The following CSMD2 variants were observed in gnomAD, a reference collection of about 807,000 sequenced individuals.
CSMD2 encodes the protein CUB and sushi domain-containing protein 2.
CSMD2 carries 130 observed loss-of-function variants against 398.5 expected under a neutral mutation model. That is an observed-to-expected ratio of 0.33 (90% confidence interval 0.28 to 0.38). The LOEUF (loss-of-function observed/expected upper bound fraction) is 0.38, where lower values mean the gene tolerates loss of function less well. CSMD2 is among the 10% of genes least tolerant of loss of function. The pLI, the probability that CSMD2 is intolerant of heterozygous loss-of-function variation, is 1.00. For synonymous variants in CSMD2, 1,828 were observed against 1,908.5 expected, an observed-to-expected ratio of 0.96 and a Z score of 1.10; for missense variants, 3,829 against 4,764.9, an observed-to-expected ratio of 0.80 and a Z score of 5.78.
chr1:33,968,210 T>C (rs1645630535), intron 3 of CSMD2, among the ~76,000 whole-genome samples: 1 of 152,210 alleles, frequency 6.6e-6, no homozygotes, highest in Non-Finnish European at 1.5e-5. Flanking sequence ...TATCTTTGCA[T>C]CTCATGCTTC....
At chr1:33,614,194 A>G (rs1355366464) in intron 40 of CSMD2, among the ~76,000 whole-genome samples, 1 of 149,090 alleles carries the variant, frequency 6.7e-6, no homozygotes, top group Non-Finnish European at 1.5e-5. Context: ...TTTATTTTTA[A>G]TATCAAGTGA....
In CSMD2 at chr1:33,524,897, C is replaced by T; in HGVS notation, c.10381G>A (p.Glu3461Lys). 6.2e-7 allele frequency: 1 copy of T among 1,614,150 alleles called. No individual in the cohort carries two copies. Among genetic ancestry groups the T allele is most frequent in the Non-Finnish European group, 8.5e-7 (1 of 1,180,030 alleles). ...TGCTCCTTACCAGCCAAGTGCAGCT[C>T]CACGCCACTGTGGTCGATCATGGTG... ...NATMIDHSGV[E>K]LHLAGTYKKE... Residue 3461 changes from glutamate (E) to lysine (K), a missense_variant, in exon 66 of 71, where the codon GAG (glutamate) becomes AAG (lysine). This residue lies in a region of CSMD2 where 917 missense variants were observed against 1,199.5 expected (regional missense o/e 0.76). Transcript: ENST00000373381.
At chr1:34,109,794 C>T (rs937916120) in intron 1 of CSMD2, among the ~76,000 whole-genome samples, 1 of 152,002 alleles carries the variant, frequency 6.6e-6, no homozygotes, top group African/African-American at 2.4e-5. Context: ...AATCTCAGCA[C>T]TTTGGGAGGC....
chr1:33,561,380 A>G (rs1658527591), intron 53 of CSMD2, among the ~76,000 whole-genome samples: 1 of 152,176 alleles, frequency 6.6e-6, no homozygotes, highest in Admixed American at 6.5e-5. Flanking sequence ...CTTTGGGTCT[A>G]AGGATAATTC....
chr1:33,784,036 T>A (rs190060286), intron 12 of CSMD2, among the ~76,000 whole-genome samples: 2 of 150,562 alleles, frequency 1.3e-5, no homozygotes, highest in Admixed American at 1.3e-4. Flanking sequence ...TACAGGTGGG[T>A]GGGTTTGAGA....
In CSMD2 at chr1:33,519,717, C is replaced by G. The variant is rs761947014; in HGVS notation, c.10737-40G>C. The G allele has an allele frequency of 1.2e-6, 2 of 1,613,496 alleles. No homozygotes were observed. Among genetic ancestry groups the G allele is most frequent in the African/African-American group, 1.3e-5 (1 of 74,964 alleles). On this transcript the variant is annotated intron_variant, in intron 69 of 70. Transcript: ENST00000373381. This position sits in a 1 kb window ranked among gnomAD's most constrained non-coding sequence, Gnocchi z 5.6. ...GGAAGTGCCCACGGCATGAAAAGAGCGACACAGAGAGGCTTAGGGGTCTGG... is the reference window on the plus strand; with the variant it reads ...GGAAGTGCCCACGGCATGAAAAGAGGGACACAGAGAGGCTTAGGGGTCTGG...
intron 70 of CSMD2, 43 bp from the exon 71 acceptor site, chr1:33,516,613 A>T (rs1006352166): frequency 6.6e-6 from 1 of 152,350 alleles, no homozygotes; most frequent in Non-Finnish European, 1.5e-5. Context: ...AAGAAAAAAG[A>T]GGCAGTGGGA....
At chr1:33,839,180 C>A (rs892698588) in intron 6 of CSMD2, 1 of 152,174 alleles carries the variant, frequency 6.6e-6, no homozygotes, top group Non-Finnish European at 1.5e-5. Flanking sequence ...ACTTGAATAA[C>A]ATATGAGAAG....
chr1:33,577,273 C>T (rs1485261015), intron 49 of CSMD2, 23 bp downstream of exon 49: 1 of 1,578,902 alleles, frequency 6.3e-7, no homozygotes, highest in Non-Finnish European at 8.6e-7. Context: ...TACCTTGTGA[C>T]CCCCTTTCCA....
At chr1:33,531,769 T>G (rs915272687) in intron 64 of CSMD2, among the ~76,000 whole-genome samples, 1 of 152,092 alleles carries the variant, frequency 6.6e-6, no homozygotes, top group Non-Finnish European at 1.5e-5. Flanking sequence ...AATAGGCAAA[T>G]TTACAGAAGC....
intron 40 of CSMD2, among the ~76,000 whole-genome samples, chr1:33,611,761 G>C (rs1265803799): frequency 6.6e-6 from 1 of 152,156 alleles, no homozygotes; most frequent in Non-Finnish European, 1.5e-5. Context: ...TCTACTTTGG[G>C]ATCTTAGTGA....
At chr1:33,799,391 AG>A (rs1655329678) in intron 10 of CSMD2, among the ~76,000 whole-genome samples, 2 of 152,222 alleles carry the variant, frequency 1.3e-5, no homozygotes, top group Non-Finnish European at 2.9e-5. Flanking sequence ...CCAACCCACA[AG>A]GGTGGAAGAG....
At chr1:33,648,731 A>G (rs1176414531) in intron 28 of CSMD2, among the ~76,000 whole-genome samples, 1 of 152,176 alleles carries the variant, frequency 6.6e-6, no homozygotes, top group Non-Finnish European at 1.5e-5. Context: ...GCCCGACAAC[A>G]ATGCTCCTGA....
At position 33,533,002 on chromosome 1, in the gene CSMD2, A is replaced by G. The variant is rs1171976128; in HGVS notation, c.10171+48T>C. ...CTCTTTCAGCTCAAGTTCAGCCAGC[A>G]CTTTCAGCCTCCCGCCCTGGAGAGC... On this transcript the variant is annotated intron_variant, in intron 64 of 70. Coordinates refer to ENST00000373381, the MANE Select transcript of CSMD2 (RefSeq NM_001281956.2). This position sits in a 1 kb window ranked among gnomAD's most constrained non-coding sequence, Gnocchi z 4.2. 1.3e-6 allele frequency: 2 copies of G among 1,519,506 alleles called. No homozygotes were observed. The highest frequency in any genetic ancestry group is 2.5e-5 in the South Asian group (2 of 81,452). 94.1% of individuals were successfully genotyped at this position (1,519,506 alleles called of 1,614,324 possible).
At chr1:33,875,055 C>T in intron 5 of CSMD2, among the ~76,000 whole-genome samples, 1 of 152,184 alleles carries the variant, frequency 6.6e-6, no homozygotes, top group East Asian at 1.9e-4. Flanking sequence ...AAGGCCTGAT[C>T]ATCAGTCCAC....
At chr1:33,804,362 C>T (rs1471111514) in intron 10 of CSMD2, among the ~76,000 whole-genome samples, 1 of 152,194 alleles carries the variant, frequency 6.6e-6, no homozygotes, top group African/African-American at 2.4e-5. Flanking sequence ...TTCTAAGGGG[C>T]TATTCCAAAC....
chr1:33,577,742 G>A (rs958000865), intron 48 of CSMD2, among the ~76,000 whole-genome samples: 2 of 152,104 alleles, frequency 1.3e-5, no homozygotes, highest in South Asian at 4.1e-4. Context: ...TCCCTTTTGC[G>A]GTCCAAAGGT....
chr1:33,799,221 A>T (rs1655309351), intron 10 of CSMD2, among the ~76,000 whole-genome samples: 1 of 152,228 alleles, frequency 6.6e-6, no homozygotes, highest in Non-Finnish European at 1.5e-5. Context: ...AAAACCTACA[A>T]CATAGAAGAA....
At chr1:33,600,278 G>C in intron 44 of CSMD2, 1 of 658,432 alleles carries the variant, frequency 1.5e-6, no homozygotes. Context: ...TCCATAGATA[G>C]GCACAAGTCC....
Sources: allele counts gnomAD v4.1 joint callset (sites outside exome capture counted in the v4.1 genomes callset), GRCh38; gene constraint gnomAD v4.1.1; regional missense constraint gnomAD v4.1.1; non-coding constraint Gnocchi (gnomAD v3.1); transcripts MANE v1.5; gene names NCBI Gene and HGNC (gene_info 2026-07-23, HGNC 2026-07-21).